Variants in GRM3 observed in about 807,000 individuals in gnomAD.
GRM3 encodes glutamate metabotropic receptor 3.
A neutral mutation model predicts 70.5 loss-of-function variants in GRM3; 26 were observed. That is an observed-to-expected ratio of 0.37 (90% confidence interval 0.27 to 0.51). The LOEUF (loss-of-function observed/expected upper bound fraction) is 0.51, where lower values mean the gene tolerates loss of function less well. Among genes scored for constraint, GRM3 ranks in the 20% least tolerant of loss-of-function variants. The pLI, the probability that GRM3 is intolerant of heterozygous loss-of-function variation, is 0.93. For missense variants in GRM3, 859 were observed against 1,123.8 expected (o/e 0.76, Z 3.37); for synonymous variants, 443 against 434.9 (o/e 1.02, Z -0.23).
chr7:86,786,631 A>C lies in GRM3; in HGVS notation c.839A>C (p.Asp280Ala), dbSNP rs2116545012. The C allele has an allele frequency of 6.2e-7, 1 of 1,612,262 alleles. No homozygotes were observed. The highest frequency in any genetic ancestry group is 2.2e-5 in the East Asian group (1 of 44,874). ...GTGGTCCTCTTCATGCGCAGCGACGACTCGCGGGAGCTCATTGCAGCCGCC... is the reference window on the plus strand; with the variant it reads ...GTGGTCCTCTTCATGCGCAGCGACGCCTCGCGGGAGCTCATTGCAGCCGCC... ...RVVVLFMRSDDSRELIAAASR... is the reference protein window; with the variant it reads ...RVVVLFMRSDASRELIAAASR... The change falls in exon 3 of 6, where the codon GAC (aspartate) becomes GCC (alanine). Residue 280 changes from aspartate to alanine, a missense_variant. Physicochemically the swap from Asp to Ala is moderately radical, Grantham distance 126. Coordinates refer to ENST00000361669, the MANE Select transcript of GRM3 (RefSeq NM_000840.3). This position sits in a 1 kb window ranked among gnomAD's most constrained non-coding sequence, Gnocchi z 6.0.
chr7:86,816,119 C>G (rs568499560), intron 3 of GRM3, among the ~76,000 whole-genome samples: 2 of 151,958 alleles, frequency 1.3e-5, no homozygotes, highest in African/African-American at 2.4e-5. Flanking sequence ...AAGGTGGCCT[C>G]TGAATTAAGC....
intron 4 of GRM3, among the ~76,000 whole-genome samples, chr7:86,841,677 T>TA (rs1798561914): frequency 6.6e-6 from 1 of 152,084 alleles, no homozygotes; most frequent in South Asian, 2.1e-4. Flanking sequence ...AAGAGCTGGT[T>TA]AAAAAAATGA....
chr7:86,763,938 G>C (rs369249396), intron 1 of GRM3, among the ~76,000 whole-genome samples: 1 of 152,112 alleles, frequency 6.6e-6, no homozygotes, highest in South Asian at 2.1e-4. Context: ...AGCATAGTGG[G>C]GATAAGGAAG....
chr7:86,853,637 GA>G (rs1798794642), intron 5 of GRM3, among the ~76,000 whole-genome samples: 1 of 152,094 alleles, frequency 6.6e-6, no homozygotes, highest in Non-Finnish European at 1.5e-5. Flanking sequence ...CTGGTTTTCT[GA>G]CTTTCTCTTC....
At chr7:86,755,609 G>T (rs550817248) in intron 1 of GRM3, among the ~76,000 whole-genome samples, 8 of 152,124 alleles carry the variant, frequency 5.3e-5, no homozygotes, top group African/African-American at 1.9e-4. Context: ...TTAACAACTG[G>T]TATGGCTGTA....
chr7:86,681,853 C>A (rs1794449026), intron 1 of GRM3, among the ~76,000 whole-genome samples: 1 of 152,076 alleles, frequency 6.6e-6, no homozygotes, highest in South Asian at 2.1e-4. Flanking sequence ...AAAGTATAAA[C>A]TTAGGTTGTA....
chr7:86,677,730 A>G (rs1212852293), intron 1 of GRM3, among the ~76,000 whole-genome samples: 1 of 152,038 alleles, frequency 6.6e-6, no homozygotes, highest in African/African-American at 2.4e-5. Flanking sequence ...TAATCTAGCA[A>G]AGATTTCTAA....
chr7:86,812,045 C>T (rs942359552), intron 3 of GRM3, among the ~76,000 whole-genome samples: 1 of 151,656 alleles, frequency 6.6e-6, no homozygotes, highest in East Asian at 1.9e-4. Flanking sequence ...AAATTCTACC[C>T]ACTCTACTGA....
Position 86,765,179 on chromosome 7 carries a change from T to C in GRM3, c.34T>C (p.Leu12=). Residue 12 remains leucine, a synonymous_variant, in exon 2 of 6, where the codon TTA becomes CTA. Coordinates refer to ENST00000361669, the MANE Select transcript of GRM3 (RefSeq NM_000840.3). ...GTTGACAAGACTGCAAGTTCTTACC[T>C]TAGCTTTGTTTTCAAAGGGATTTTT... The part of the protein sequence containing the change: ...KMLTRLQVLT[L]ALFSKGFLLS... 1 of 1,598,282 alleles carries C rather than the reference T, an allele frequency of 6.3e-7. No individual in the cohort carries two copies. The highest frequency in any genetic ancestry group is 1.1e-5 in the South Asian group (1 of 88,348).
intron 1 of GRM3, among the ~76,000 whole-genome samples, chr7:86,667,617 G>A (rs1794059756): frequency 6.6e-6 from 1 of 152,096 alleles, no homozygotes; most frequent in Non-Finnish European, 1.5e-5. Flanking sequence ...AGTGGGGATG[G>A]ACAGCAAAGG....
intron 2 of GRM3, among the ~76,000 whole-genome samples, chr7:86,777,997 G>A (rs1157037553): frequency 1.3e-5 from 2 of 152,050 alleles, no homozygotes; most frequent in African/African-American, 4.8e-5. Context: ...TCTCTTCCAG[G>A]CACATATATA....
chr7:86,664,955 A>C (rs1359332723), intron 1 of GRM3, among the ~76,000 whole-genome samples: 1 of 152,092 alleles, frequency 6.6e-6, no homozygotes, highest in Non-Finnish European at 1.5e-5. Context: ...TATTATAAAC[A>C]TGAGCTTTCT....
chr7:86,862,830 G>A (rs953345700), intron 5 of GRM3, among the ~76,000 whole-genome samples: 13 of 152,216 alleles, frequency 8.5e-5, no homozygotes, highest in African/African-American at 2.2e-4. Flanking sequence ...AGTTGCTCCT[G>A]TTTAAGGAAA....
intron 3 of GRM3, among the ~76,000 whole-genome samples, chr7:86,822,948 G>A (rs1015177126): frequency 2.6e-5 from 4 of 151,988 alleles, no homozygotes; most frequent in Non-Finnish European, 5.9e-5. Flanking sequence ...TTAGAATATT[G>A]ATTTTTATCC....
chr7:86,735,251 G>A (rs1795830148), intron 1 of GRM3, among the ~76,000 whole-genome samples: 1 of 152,098 alleles, frequency 6.6e-6, no homozygotes, highest in African/African-American at 2.4e-5. Flanking sequence ...AGATATACCT[G>A]CTGTAGATCT....
intron 1 of GRM3, among the ~76,000 whole-genome samples, chr7:86,725,446 G>T (rs1253116477): frequency 6.6e-6 from 1 of 152,106 alleles, no homozygotes; most frequent in East Asian, 1.9e-4. Context: ...GCAGGAGTAT[G>T]ACAATGACAG....
intron 1 of GRM3, among the ~76,000 whole-genome samples, chr7:86,749,441 T>C (rs1796180001): frequency 6.6e-6 from 1 of 152,074 alleles, no homozygotes; most frequent in African/African-American, 2.4e-5. Flanking sequence ...TTACCCCATA[T>C]GTATGCTAAA....
intron 2 of GRM3, among the ~76,000 whole-genome samples, chr7:86,771,590 C>A (rs1796742975): frequency 6.6e-6 from 1 of 151,966 alleles, no homozygotes; most frequent in Admixed American, 6.6e-5. Context: ...AGAACATTAT[C>A]ATGTAGTCTT....
intron 3 of GRM3, among the ~76,000 whole-genome samples, chr7:86,838,437 T>G (rs1798499318): frequency 1.3e-5 from 2 of 152,222 alleles, no homozygotes; most frequent in African/African-American, 4.8e-5. Flanking sequence ...TGGGAAACAT[T>G]TTATTGGCTG....
Sources: allele counts gnomAD v4.1 joint callset (sites outside exome capture counted in the v4.1 genomes callset), GRCh38; gene constraint gnomAD v4.1.1; non-coding constraint Gnocchi (gnomAD v3.1); transcripts MANE v1.5; gene names NCBI Gene and HGNC (gene_info 2026-07-23, HGNC 2026-07-21).